SETD6: variants seen among roughly 807,000 people sequenced by gnomAD.
The protein encoded by SETD6 is N-lysine methyltransferase SETD6.
Under a neutral mutation model 52.7 loss-of-function variants are expected in SETD6, and 67 were observed. The observed-to-expected ratio is 1.27, with a 90% CI of 1.04 to 1.56. The LOEUF is 1.56. Among genes scored for constraint, SETD6 ranks in the 40% most tolerant of loss-of-function variants. The pLI is 0.00. For synonymous variants in SETD6, 307 were observed against 250.2 expected (o/e 1.23, Z -2.14); for missense variants, 712 against 607.5 (o/e 1.17, Z -1.81).
rs1437843733 is a variant in SETD6, at chr16:58,521,972, A to C, written c.*2943A>C. Among the ~76,000 whole-genome samples, 1 of 152,078 alleles carries C rather than the reference A, an allele frequency of 6.6e-6. No individual in the cohort carries two copies. ...TCTCAAATAAACAGATAAATTAAATAAATAAATAAGCTCACTCTCAATAAA... is the reference window on the plus strand; with the variant it reads ...TCTCAAATAAACAGATAAATTAAATCAATAAATAAGCTCACTCTCAATAAA... On this transcript the variant is annotated 3_prime_UTR_variant, in exon 8 of 8. Coordinates refer to ENST00000219315, the MANE Select transcript of SETD6 (RefSeq NM_001160305.4).
chr16:58,519,229 A>T lies in SETD6; in HGVS notation c.*200A>T. On this transcript the variant is annotated 3_prime_UTR_variant, in exon 8 of 8. Coordinates refer to ENST00000219315, the MANE Select transcript of SETD6 (RefSeq NM_001160305.4). ...ATTGAGAACAGCAGACTTGGGAATC[A>T]CTGCTAATTGTTACTTAAAGCATGT... is the stretch of plus-strand genomic sequence containing the variant. 1 of 573,488 alleles carries T rather than the reference A, an allele frequency of 1.7e-6. No individual in the cohort carries two copies. The highest frequency in any genetic ancestry group is 2.2e-5 in the South Asian group (1 of 45,170). The allele number at this position is 573,488 out of a possible 1,614,324, so 35.5% of individuals were successfully genotyped here.
Position 58,519,579 on chromosome 16 carries a change from C to G in SETD6, c.*550C>G, listed in dbSNP as rs891571401. ...TGTCCTCTCTGGCCATAAAACTTGACAGTCATGAAAGGTAAGGCAAATTTT... is the reference window on the plus strand; with the variant it reads ...TGTCCTCTCTGGCCATAAAACTTGAGAGTCATGAAAGGTAAGGCAAATTTT... On this transcript the variant is annotated 3_prime_UTR_variant, in exon 8 of 8. Coordinates refer to ENST00000219315, the MANE Select transcript of SETD6 (RefSeq NM_001160305.4). 6.7e-6 allele frequency: 1 copy of G among 150,328 alleles called. No individual in the cohort carries two copies. The highest frequency in any genetic ancestry group is 2.5e-5 in the African/African-American group (1 of 40,598). 9.3% of individuals were successfully genotyped at this position (150,328 alleles called of 1,614,324 possible).
chr16:58,517,917 A>G, intron 5 of SETD6, 134 bp from the exon 6 acceptor site: 1 of 1,098,486 alleles, frequency 9.1e-7, no homozygotes, highest in Non-Finnish European at 1.3e-6. Context: ...ACAGGAACTA[A>G]AGGTAGAACT....
Position 58,521,376 on chromosome 16 carries a change from C to A in SETD6, c.*2347C>A, listed in dbSNP as rs939592435. ...AGAAGCATACAAATTCATGATTATT[C>A]TTCCATTACTTTTTTTCTAACTTCT... On this transcript the variant is annotated 3_prime_UTR_variant, in exon 8 of 8. Transcript: ENST00000219315. 329 of 1,519,450 alleles carry A rather than the reference C, an allele frequency of 2.2e-4. No homozygotes were observed. The highest frequency in any genetic ancestry group is 2.7e-4 in the Non-Finnish European group (309 of 1,125,990). 94.1% of individuals were successfully genotyped at this position (1,519,450 alleles called of 1,614,324 possible).
chr16:58,515,584 T>C lies in SETD6; in HGVS notation c.27+20T>C. 1 of 1,533,948 alleles carries C rather than the reference T, an allele frequency of 6.5e-7. No individual in the cohort carries two copies. On this transcript the variant is annotated intron_variant, in intron 1 of 7. Coordinates refer to ENST00000219315, the MANE Select transcript of SETD6 (RefSeq NM_001160305.4). The stretch of plus-strand genomic sequence containing the variant: ...CCACGGGTGAGTGGCGGGCGCGGGG[T>C]CCAGCCTTTTCCTCCGCGCCTCACC...
In SETD6 at chr16:58,522,883, G is replaced by A. The variant is rs2039453111; in HGVS notation, c.*3854G>A. On this transcript the variant is annotated 3_prime_UTR_variant, in exon 8 of 8. Transcript: ENST00000219315. The stretch of plus-strand genomic sequence containing the variant: ...AAATGTCCATCAGAATGAGTATTAA[G>A]AGGGCAGGAACCATCCATTTTGCTC... The A allele has an allele frequency of 6.6e-6, 1 of 152,290 alleles. No homozygotes were observed. Among genetic ancestry groups the A allele is most frequent in the Admixed American group, 6.5e-5 (1 of 15,300 alleles). The allele number at this position is 152,290 out of a possible 1,614,324, so 9.4% of individuals were successfully genotyped here.
chr16:58,516,745 A>T, intron 4 of SETD6, 63 bp from the exon 5 acceptor site: 1 of 1,610,216 alleles, frequency 6.2e-7, no homozygotes. Flanking sequence ...GTGGAAAAAC[A>T]GTGAAATCCA....
chr16:58,517,929 T>G (rs1419855617), intron 5 of SETD6, 122 bp from the exon 6 acceptor site: 2 of 1,217,580 alleles, frequency 1.6e-6, no homozygotes, highest in African/African-American at 3.0e-5. Context: ...GGTAGAACTT[T>G]GGTAGTTAAC....
At chr16:58,518,329 C>T (rs893112005) in intron 6 of SETD6, 72 bp from the exon 7 acceptor site, 43 of 1,593,112 alleles carry the variant, frequency 2.7e-5, no homozygotes, top group Non-Finnish European at 3.5e-5. Context: ...ACTTTGTAGA[C>T]TGGGTGGCAG....
At chr16:58,517,431 A>T (rs2039205476) in intron 5 of SETD6, 1 of 177,368 alleles carries the variant, frequency 5.6e-6, no homozygotes, top group Non-Finnish European at 1.2e-5. Flanking sequence ...GTTATTTCTT[A>T]ATCCTTGCCT....
rs1342604168 is a variant in SETD6, at chr16:58,523,191, G to C, written c.*4162G>C. The C allele has an allele frequency of 1.9e-5, 9 of 468,650 alleles. No individual in the cohort carries two copies. In the South Asian group the frequency reaches 3.9e-4, roughly 20 times the overall value. The allele number at this position is 468,650 out of a possible 1,614,324, so 29.0% of individuals were successfully genotyped here. On this transcript the variant is annotated 3_prime_UTR_variant, in exon 8 of 8. Transcript: ENST00000219315. ...ACCTGGGAGGCGGAGGTTGCAGTGA[G>C]CCAAGATGGCGCCACTGTACTGCAG...
At position 58,519,147 on chromosome 16, in the gene SETD6, A is replaced by G; in HGVS notation, c.*118A>G. 9.6e-7 allele frequency: 1 copy of G among 1,043,064 alleles called. No homozygotes were observed. The highest frequency in any genetic ancestry group is 1.3e-6 in the Non-Finnish European group (1 of 741,018). 64.6% of individuals were successfully genotyped at this position (1,043,064 alleles called of 1,614,324 possible). ...CTTTTGCTTACTAAACACCAAGAGG[A>G]AAAGTAGCAAAGTTGGTGTGCTAGG... On this transcript the variant is annotated 3_prime_UTR_variant, in exon 8 of 8. Transcript: ENST00000219315.
Position 58,522,237 on chromosome 16 carries a change from C to CAAAAAAAAAAAAAAA in SETD6, c.*3224_*3238dup, listed in dbSNP as rs56149974. 2.0e-5 allele frequency among the ~76,000 whole-genome samples: 2 copies of CAAAAAAAAAAAAAAA among 98,556 alleles called. No homozygotes were observed. The highest frequency in any genetic ancestry group is 8.5e-5 in the African/African-American group (2 of 23,600). 64.7% of individuals were successfully genotyped at this position (98,556 alleles called of 152,430 possible). A position where few individuals can be genotyped will look rare whatever the true frequency, so the allele number is the denominator to read the frequency against. Reference sequence around the variant, plus strand: ...AGGAGGCGACAAAGCGAGACTGTCTCAAAAAAAAAAAAAAAAAAAAAAAAA... The same window carrying CAAAAAAAAAAAAAAA: ...AGGAGGCGACAAAGCGAGACTGTCTCAAAAAAAAAAAAAAAAAAAAAAAAAAAAAAAAAAAAAAAA... On this transcript the variant is annotated 3_prime_UTR_variant, in exon 8 of 8. Transcript: ENST00000219315.
At position 58,518,128 on chromosome 16, in the gene SETD6, C is replaced by T. The variant is rs113332374; in HGVS notation, c.870C>T (p.Asn290=). The T allele has an allele frequency of 9.6e-5, 155 of 1,614,244 alleles. No individual in the cohort carries two copies. Among genetic ancestry groups the T allele is most frequent in the Non-Finnish European group, 1.3e-4 (154 of 1,180,052 alleles). The change falls in exon 6 of 8, where the codon AAC becomes AAT. Residue 290 remains asparagine (N), a synonymous_variant. Transcript: ENST00000219315. ...EIFNTYGQMA[N]WQLIHMYGFV... Reference sequence around the variant, plus strand: ...TCAACACTTATGGGCAAATGGCTAACTGGCAACTGATTCATATGTACGGTT... The same window carrying T: ...TCAACACTTATGGGCAAATGGCTAATTGGCAACTGATTCATATGTACGGTT...
chr16:58,515,994 G>A lies in SETD6; in HGVS notation c.231G>A (p.Met77Ile). The A allele has an allele frequency of 1.3e-6, 2 of 1,542,316 alleles. No individual in the cohort carries two copies. Among genetic ancestry groups the A allele is most frequent in the East Asian group, 5.1e-5 (2 of 39,280 alleles). Residue 77 changes from methionine to isoleucine, a missense_variant, in exon 2 of 8, where the codon ATG (methionine) becomes ATA (isoleucine). Coordinates refer to ENST00000219315, the MANE Select transcript of SETD6 (RefSeq NM_001160305.4). ...AGGGCACGGTGGCCGGCTACGGCAT[G>A]GTGGCCCGGGAGAGCGTGCAGGCCG... ...SRQGTVAGYG[M>I]VARESVQAGE...
At chr16:58,516,763 T>C (rs2039174458) in intron 4 of SETD6, 45 bp from the exon 5 acceptor site, 3 of 1,612,510 alleles carry the variant, frequency 1.9e-6, no homozygotes, top group East Asian at 2.2e-5. Context: ...CCACCCCCAG[T>C]CCCTCACCCA....
In SETD6 at chr16:58,515,982, C is replaced by T. The variant is rs2039117325; in HGVS notation, c.219C>T (p.Ala73=). ...QVAVSRQGTV[A]GYGMVARESV... is the part of the protein sequence containing the mutation. ...CGGTCAGCCGGCAGGGCACGGTGGC[C>T]GGCTACGGCATGGTGGCCCGGGAGA... The change falls in exon 2 of 8, where the codon GCC becomes GCT. Residue 73 remains alanine, a synonymous_variant. Coordinates refer to ENST00000219315, the MANE Select transcript of SETD6 (RefSeq NM_001160305.4). 6.5e-6 allele frequency: 10 copies of T among 1,538,712 alleles called. No individual in the cohort carries two copies. The highest frequency in any genetic ancestry group is 3.6e-5 in the South Asian group (3 of 83,544).
intron 5 of SETD6, 143 bp from the exon 6 acceptor site, chr16:58,517,908 C>A (rs1309677532): frequency 7.1e-6 from 7 of 990,332 alleles, no homozygotes; most frequent in South Asian, 1.6e-5. Flanking sequence ...TAGGGTCTAA[C>A]AGGAACTAAA....
intron 5 of SETD6, chr16:58,517,566 T>A (rs2039209650): frequency 5.4e-6 from 1 of 184,592 alleles, no homozygotes; most frequent in Admixed American, 5.3e-5. Flanking sequence ...TGCCGCCTCC[T>A]GGGTTCAAGC....
Sources: allele counts gnomAD v4.1 joint callset (sites outside exome capture counted in the v4.1 genomes callset), GRCh38; gene constraint gnomAD v4.1.1; transcripts MANE v1.5; gene names NCBI Gene and HGNC (gene_info 2026-07-23, HGNC 2026-07-21).